CNTNAP5: variants seen among roughly 807,000 people sequenced by gnomAD.
The protein encoded by CNTNAP5 is contactin associated protein family member 5.
CNTNAP5 carries 72 observed loss-of-function variants against 150.2 expected under a neutral mutation model. The ratio of observed to expected loss-of-function variants is 0.48; its 90% CI spans 0.40 to 0.58. The LOEUF (loss-of-function observed/expected upper bound fraction) is 0.58. CNTNAP5 is among the 20% of genes least tolerant of loss of function. The pLI is 0.00. For synonymous variants in CNTNAP5, 672 were observed against 619.8 expected (o/e 1.08, Z -1.25); for missense variants, 1,636 against 1,626.2 (o/e 1.01, Z -0.10).
At chr2:124,861,829 T>C (rs890138132) in intron 19 of CNTNAP5, among the ~76,000 whole-genome samples, 1 of 152,218 alleles carries the variant, frequency 6.6e-6, no homozygotes. Context: ...ATTATTAGTT[T>C]TTGAGACAGA....
At chr2:124,423,337 A>T (rs1452480824) in intron 4 of CNTNAP5, among the ~76,000 whole-genome samples, 1 of 151,508 alleles carries the variant, frequency 6.6e-6, no homozygotes, top group Non-Finnish European at 1.5e-5. Flanking sequence ...TTTTTTTCCC[A>T]CTCTTACTCA....
intron 19 of CNTNAP5, among the ~76,000 whole-genome samples, chr2:124,831,177 T>G (rs1045010712): frequency 1.3e-5 from 2 of 152,034 alleles, no homozygotes; most frequent in Non-Finnish European, 2.9e-5. Context: ...TCATACATTC[T>G]CTTTTCACAA....
At chr2:124,320,617 G>C (rs540484604) in intron 3 of CNTNAP5, among the ~76,000 whole-genome samples, 70 of 151,862 alleles carry the variant, frequency 4.6e-4, no homozygotes, top group African/African-American at 1.7e-3. Context: ...CAAGCTTTCT[G>C]TGCACCAAAA....
intron 3 of CNTNAP5, among the ~76,000 whole-genome samples, chr2:124,367,888 A>G (rs1280310868): frequency 6.6e-6 from 1 of 152,052 alleles, no homozygotes; most frequent in Non-Finnish European, 1.5e-5. Context: ...TAATTTCTGA[A>G]TGTACTTGCT....
chr2:124,802,940 C>T (rs1009014515), intron 19 of CNTNAP5, among the ~76,000 whole-genome samples: 19 of 151,952 alleles, frequency 1.3e-4, no homozygotes, highest in South Asian at 2.1e-4. Context: ...CTGGCTAACA[C>T]GGTGAAAACT....
intron 1 of CNTNAP5, among the ~76,000 whole-genome samples, chr2:124,175,721 T>C (rs904698400): frequency 3.3e-5 from 5 of 152,346 alleles, no homozygotes; most frequent in South Asian, 4.1e-4. Flanking sequence ...CTTAAGATGA[T>C]GGCTTCCAGC....
chr2:124,793,041 A>G (rs1681769599), intron 18 of CNTNAP5, among the ~76,000 whole-genome samples: 1 of 152,178 alleles, frequency 6.6e-6, no homozygotes, highest in Non-Finnish European at 1.5e-5. Flanking sequence ...ATCCTCTTGG[A>G]TATATACCTA....
At chr2:124,542,313 T>C (rs186530591) in intron 10 of CNTNAP5, among the ~76,000 whole-genome samples, 30 of 149,704 alleles carry the variant, frequency 2.0e-4, no homozygotes, top group African/African-American at 5.2e-4. Flanking sequence ...AGGACATATA[T>C]ACATAGTTTC....
chr2:124,741,754 G>A (rs1255385812), intron 13 of CNTNAP5, among the ~76,000 whole-genome samples: 2 of 151,980 alleles, frequency 1.3e-5, no homozygotes, highest in Non-Finnish European at 2.9e-5. Flanking sequence ...GTCTATATAG[G>A]CTGAAATCTC....
At chr2:124,460,884 C>T (rs1406746334) in intron 6 of CNTNAP5, among the ~76,000 whole-genome samples, 1 of 151,920 alleles carries the variant, frequency 6.6e-6, no homozygotes, top group Non-Finnish European at 1.5e-5. Flanking sequence ...TTTGGAAATT[C>T]AGTTGCAGGG....
chr2:124,740,491 A>T (rs2105137212), intron 13 of CNTNAP5, among the ~76,000 whole-genome samples: 1 of 152,216 alleles, frequency 6.6e-6, no homozygotes, highest in African/African-American at 2.4e-5. Flanking sequence ...GTTGGCACAG[A>T]CTCCAGGTGA....
chr2:124,219,020 T>A (rs1158028576), intron 1 of CNTNAP5, among the ~76,000 whole-genome samples: 1 of 152,178 alleles, frequency 6.6e-6, no homozygotes, highest in East Asian at 1.9e-4. Context: ...TGAATTAATT[T>A]GAAATGATTA....
chr2:124,750,081 C>T (rs1357436866), intron 14 of CNTNAP5, among the ~76,000 whole-genome samples: 1 of 152,140 alleles, frequency 6.6e-6, no homozygotes, highest in African/African-American at 2.4e-5. Context: ...CTTCTCTCAC[C>T]TTGATCATTC....
chr2:124,408,713 A>G (rs994943672), intron 3 of CNTNAP5, among the ~76,000 whole-genome samples: 7 of 150,906 alleles, frequency 4.6e-5, no homozygotes, highest in South Asian at 2.1e-4. Flanking sequence ...CAGAAAGGAC[A>G]TCCACACCAA....
At chr2:124,344,575 G>A (rs2104695539) in intron 3 of CNTNAP5, among the ~76,000 whole-genome samples, 1 of 152,118 alleles carries the variant, frequency 6.6e-6, no homozygotes, top group South Asian at 2.1e-4. Context: ...TTTAAGACCA[G>A]CCTGGGCAAC....
chr2:124,052,382 A>G (rs1482488979), intron 1 of CNTNAP5, among the ~76,000 whole-genome samples: 1 of 152,184 alleles, frequency 6.6e-6, no homozygotes, highest in African/African-American at 2.4e-5. Flanking sequence ...GGAGCGAGGA[A>G]ATGCTCAGAT....
intron 13 of CNTNAP5, among the ~76,000 whole-genome samples, chr2:124,669,658 A>C (rs1678769815): frequency 6.6e-6 from 1 of 152,146 alleles, no homozygotes; most frequent in South Asian, 2.1e-4. Flanking sequence ...TAATTTCCTG[A>C]TCTTCTTCCT....
chr2:124,378,864 T>A (rs907092721), intron 3 of CNTNAP5, among the ~76,000 whole-genome samples: 10 of 152,170 alleles, frequency 6.6e-5, no homozygotes, highest in African/African-American at 2.4e-4. Context: ...GGGAAACAAC[T>A]TTCTATGTGA....
At chr2:124,492,492 C>T (rs945050957) in intron 7 of CNTNAP5, among the ~76,000 whole-genome samples, 5 of 152,210 alleles carry the variant, frequency 3.3e-5, no homozygotes, top group African/African-American at 1.2e-4. Flanking sequence ...TTGTGGTATA[C>T]CTTGAAATTA....
Sources: gnomAD v4.1 joint callset for allele counts (sites outside exome capture counted in the v4.1 genomes callset) on GRCh38, gnomAD v4.1.1 for gene constraint, MANE v1.5 for transcripts, NCBI Gene and HGNC (gene_info 2026-07-23, HGNC 2026-07-21) for gene names.